Variants in ALG1 observed in about 807,000 individuals in gnomAD.
ALG1 encodes the protein ALG1 chitobiosyldiphosphodolichol beta-mannosyltransferase, also known as chitobiosyldiphosphodolichol beta-mannosyltransferase.
ALG1 carries 58 observed loss-of-function variants against 55.1 expected under a neutral mutation model. That is an observed-to-expected ratio of 1.05 (90% CI 0.85 to 1.31). The LOEUF (loss-of-function observed/expected upper bound fraction) is 1.31. Ranked by LOEUF, ALG1 falls within the 50% of genes most tolerant of loss-of-function variation. The pLI, the probability that ALG1 is intolerant of heterozygous loss-of-function variation, is 0.00. For missense variants in ALG1, 761 were observed against 598.6 expected, an observed-to-expected ratio of 1.27 and a Z score of -2.83; for synonymous variants, 309 against 247.0, an observed-to-expected ratio of 1.25 and a Z score of -2.35.
chr16:5,083,222 C>CCCTG (rs1381305781), intron 11 of ALG1, among the ~76,000 whole-genome samples: 1 of 152,066 alleles, frequency 6.6e-6, no homozygotes, highest in Non-Finnish European at 1.5e-5. Flanking sequence ...AGCCCTTGGC[C>CCCTG]CCTGCTCAGG....
chr16:5,073,860 G>A (rs1005084391), intron 3 of ALG1, among the ~76,000 whole-genome samples: 1 of 150,294 alleles, frequency 6.7e-6, no homozygotes, highest in Non-Finnish European at 1.5e-5. Flanking sequence ...GATTACAGGT[G>A]CCCGCCACCA....
intron 8 of ALG1, 101 bp downstream of exon 8, chr16:5,079,203 G>A: frequency 1.7e-5 from 25 of 1,483,426 alleles, no homozygotes; most frequent in Non-Finnish European, 2.2e-5. Flanking sequence ...CAGGCCACTG[G>A]GTGGGGCAGC....
At position 5,085,900 on chromosome 16, in the gene ALG1, G is replaced by A. The variant is rs1171567659; in HGVS notation, c.*1019G>A. On this transcript the variant is annotated 3_prime_UTR_variant, in exon 13 of 13. Transcript: ENST00000262374. Reference sequence around the variant, plus strand: ...CCAGGTGCCTAGAATTGGCCTCCAGGATGGGACCAGAAAGCTGGTTTTGCA... The same window carrying A: ...CCAGGTGCCTAGAATTGGCCTCCAGAATGGGACCAGAAAGCTGGTTTTGCA... Among the ~76,000 whole-genome samples the A allele has an allele frequency of 1.3e-5, 2 of 152,210 alleles. No homozygotes were observed. The highest frequency in any genetic ancestry group is 1.5e-5 in the Non-Finnish European group (1 of 68,040).
rs553028822 is a variant in ALG1, at chr16:5,073,199, T to C, written c.333T>C (p.Ala111=). Residue 111 remains alanine (A), a synonymous_variant, in exon 3 of 13, where the codon GCT becomes GCC. Transcript: ENST00000262374. ...ACGGAGTCAAAGTTGTACTTCAGGC[T>C]ATGTACTTGCTGTGGAAGTTGATGT... ...FQYGVKVVLQ[A]MYLLWKLMWR... is the part of the protein sequence containing the mutation. 1.9e-6 allele frequency: 3 copies of C among 1,614,232 alleles called. No individual in the cohort carries two copies. Among genetic ancestry groups the C allele is most frequent in the African/African-American group, 1.3e-5 (1 of 75,054 alleles).
At chr16:5,083,867 G>A (rs1282777582) in intron 12 of ALG1, 110 bp downstream of exon 12, 1 of 1,532,476 alleles carries the variant, frequency 6.5e-7, no homozygotes, top group Non-Finnish European at 8.8e-7. Flanking sequence ...TGTGGGGTCT[G>A]GCGGAAAAGC....
rs758274229 is a variant in ALG1, at chr16:5,071,867, G to T, written c.18G>T (p.Leu6Phe). 38 of 1,604,960 alleles carry T rather than the reference G, an allele frequency of 2.4e-5. No individual in the cohort carries two copies. In the East Asian group the frequency reaches 4.3e-4, roughly 18 times the overall value. MAASC[L>F]VLLALCLLLP... ...CAGCCAAGATGGCGGCCTCATGCTTGGTCCTGCTGGCGCTGTGTCTGCTGC... is the reference window on the plus strand; with the variant it reads ...CAGCCAAGATGGCGGCCTCATGCTTTGTCCTGCTGGCGCTGTGTCTGCTGC... The change falls in exon 1 of 13, where the codon TTG becomes TTT. Residue 6 changes from leucine to phenylalanine, a missense_variant. Leu to Phe is a conservative substitution (Grantham distance 22, BLOSUM62 0). Coordinates refer to ENST00000262374, the MANE Select transcript of ALG1 (RefSeq NM_019109.5).
Position 5,078,789 on chromosome 16 carries a change from C to T in ALG1, c.773C>T (p.Ser258Leu), listed in dbSNP as rs28939378. 6.0e-4 allele frequency: 974 copies of T among 1,612,744 alleles called. No individual in the cohort carries two copies. The highest frequency in any genetic ancestry group is 7.9e-4 in the Non-Finnish European group (927 of 1,179,794). The change falls in exon 7 of 13, where the codon TCG becomes TTG. Residue 258 changes from serine to leucine, a missense_variant. By Grantham distance (145) the Ser-to-Leu change is moderately radical. Coordinates refer to ENST00000262374, the MANE Select transcript of ALG1 (RefSeq NM_019109.5). ...SEPEDPVTER[S>L]AFTERDAGSG... ...CCTGAGGACCCAGTCACGGAGCGGT[C>T]GGCCTTCACGGAGCGGGATGCTGGG...
chr16:5,075,310 G>T (rs1323096531), intron 3 of ALG1, 78 bp from the exon 4 acceptor site: 1 of 1,448,508 alleles, frequency 6.9e-7, no homozygotes, highest in African/African-American at 1.4e-5. Flanking sequence ...ATCACCATGT[G>T]TGTTGTGACT....
chr16:5,082,802 T>C lies in ALG1; in HGVS notation c.1187+129T>C, dbSNP rs1240089808. 14 of 1,052,622 alleles carry C rather than the reference T, an allele frequency of 1.3e-5. No individual in the cohort carries two copies. The East Asian group carries it at 3.3e-4, about 25-fold the overall frequency. 65.2% of individuals were successfully genotyped at this position (1,052,622 alleles called of 1,614,324 possible). On this transcript the variant is annotated intron_variant, in intron 11 of 12. Transcript: ENST00000262374. Reference sequence around the variant, plus strand: ...TCAGTCCGGCACACACTGGAGGCCATGAGGAGGAGCCCTGCGGTTACTGTG... The same window carrying C: ...TCAGTCCGGCACACACTGGAGGCCACGAGGAGGAGCCCTGCGGTTACTGTG...
At chr16:5,083,505 C>T (rs1008245885) in intron 11 of ALG1, among the ~76,000 whole-genome samples, 177 bp from the exon 12 acceptor site, 2 of 152,184 alleles carry the variant, frequency 1.3e-5, no homozygotes, top group African/African-American at 2.4e-5. Flanking sequence ...GTGCACCCCC[C>T]CAGGCCTTTA....
At chr16:5,076,943 C>T (rs534277850) in intron 4 of ALG1, among the ~76,000 whole-genome samples, 1 of 152,082 alleles carries the variant, frequency 6.6e-6, no homozygotes, top group South Asian at 2.1e-4. Context: ...TATAGGCACC[C>T]ACCACCACGC....
At chr16:5,083,414 T>G (rs1465530668) in intron 11 of ALG1, among the ~76,000 whole-genome samples, 1 of 152,144 alleles carries the variant, frequency 6.6e-6, no homozygotes, top group East Asian at 1.9e-4. Flanking sequence ...AAATAATTCT[T>G]CAGTCCTTGA....
intron 4 of ALG1, among the ~76,000 whole-genome samples, chr16:5,075,911 C>T (rs985522127): frequency 1.3e-5 from 2 of 152,206 alleles, no homozygotes; most frequent in Non-Finnish European, 2.9e-5. Flanking sequence ...TGTAGGTTAC[C>T]TGCCTTCCTC....
chr16:5,078,736 G>A, intron 6 of ALG1, 21 bp from the exon 7 acceptor site: 1 of 1,612,602 alleles, frequency 6.2e-7, no homozygotes, highest in Non-Finnish European at 8.5e-7. Context: ...CCTCTCACAG[G>A]CTTTTTTTCT....
chr16:5,074,866 T>C (rs1020683783), intron 3 of ALG1, among the ~76,000 whole-genome samples: 2 of 152,194 alleles, frequency 1.3e-5, no homozygotes, highest in African/African-American at 4.8e-5. Flanking sequence ...ATTGATGATC[T>C]TGGACTTTTC....
chr16:5,083,603 T>C lies in ALG1; in HGVS notation c.1188-79T>C, dbSNP rs1208776469. 5 of 1,595,520 alleles carry C rather than the reference T, an allele frequency of 3.1e-6. No homozygotes were observed. In the East Asian group the frequency reaches 8.9e-5, roughly 28 times the overall value. On this transcript the variant is annotated intron_variant, in intron 11 of 12. Transcript: ENST00000262374. Reference sequence around the variant, plus strand: ...CAGCCTGGCTTGAGCATGGGGTGTGTGGGGGAGCCCAGGTGGGCACCCCAG... The same window carrying C: ...CAGCCTGGCTTGAGCATGGGGTGTGCGGGGGAGCCCAGGTGGGCACCCCAG...
Position 5,085,085 on chromosome 16 carries a change from A to G in ALG1, c.*204A>G, listed in dbSNP as rs1957108157. The G allele has an allele frequency of 2.2e-6, 2 of 899,412 alleles. No individual in the cohort carries two copies. Among genetic ancestry groups the G allele is most frequent in the East Asian group, 2.6e-5 (1 of 37,908 alleles). The allele number at this position is 899,412 out of a possible 1,614,324, so 55.7% of individuals were successfully genotyped here. On this transcript the variant is annotated 3_prime_UTR_variant, in exon 13 of 13. Transcript: ENST00000262374. ...TGATTTCTTCTCTGGAGGCTTGGAA[A>G]CGCTTCCTCTCTTCTTCTGTTCTTC...
intron 3 of ALG1, 54 bp downstream of exon 3, chr16:5,073,310 C>A: frequency 6.6e-7 from 1 of 1,524,068 alleles, no homozygotes; most frequent in Non-Finnish European, 9.1e-7. Context: ...AGTTTACTTT[C>A]CAGCACAAAT....
rs776990267 is a variant in ALG1 at position 5,078,772 on chromosome 16, C to T, written c.756C>T (p.Asp252=). 3.4e-5 allele frequency: 55 copies of T among 1,612,790 alleles called. No homozygotes were observed. The highest frequency in any genetic ancestry group is 4.3e-5 in the Non-Finnish European group (51 of 1,179,804). The stretch of plus-strand genomic sequence containing the variant: ...GCTCCTTCAGCTCAGAACCTGAGGA[C>T]CCAGTCACGGAGCGGTCGGCCTTCA... The part of the protein sequence containing the change: ...SPFRARSEPE[D]PVTERSAFTE... The change falls in exon 7 of 13, where the codon GAC becomes GAT. Residue 252 remains aspartate (D), a synonymous_variant. Coordinates refer to ENST00000262374, the MANE Select transcript of ALG1 (RefSeq NM_019109.5).
Sources: allele counts gnomAD v4.1 joint callset (sites outside exome capture counted in the v4.1 genomes callset), GRCh38; gene constraint gnomAD v4.1.1; transcripts MANE v1.5; gene names NCBI Gene and HGNC (gene_info 2026-07-23, HGNC 2026-07-21).